DIPK1B: variants seen among roughly 807,000 people sequenced by gnomAD.
DIPK1B encodes divergent protein kinase domain 1B, also known as family with sequence similarity 69 member B.
A neutral mutation model predicts 20.7 loss-of-function variants in DIPK1B; 17 were observed. The ratio of observed to expected loss-of-function variants is 0.82; its 90% CI spans 0.56 to 1.23. DIPK1B has a LOEUF of 1.23. Ranked by LOEUF, DIPK1B falls within the 50% of genes most tolerant of loss-of-function variation. DIPK1B has a pLI of 0.00. For synonymous variants in DIPK1B, 343 were observed against 276.5 expected, an observed-to-expected ratio of 1.24 and a Z score of -2.39; for missense variants, 648 against 601.8, an observed-to-expected ratio of 1.08 and a Z score of -0.80.
rs1846446413 is a variant in DIPK1B at position 136,712,855 on chromosome 9, TGGGCAGCGGGGA to T, written c.63+131_63+142del. The T allele has an allele frequency of 8.3e-6, 4 of 484,030 alleles. No individual in the cohort carries two copies. The East Asian group carries it at 2.0e-4, about 24-fold the overall frequency. 30.0% of individuals were successfully genotyped at this position (484,030 alleles called of 1,614,324 possible). A position where few individuals can be genotyped will look rare whatever the true frequency, so the allele number is the denominator to read the frequency against. ...ACACGAAGGGTTCATGAGCCCGGGG[TGGGCAGCGGGGA>T]GGGGGCGAGTGGCTCCGGAAGGACG... On this transcript the variant is annotated intron_variant, in intron 1 of 4. Transcript: ENST00000371692. The surrounding 1 kb of genome is among the most constrained non-coding windows in gnomAD (Gnocchi z 5.6).
chr9:136,718,867 G>A (rs1033439097), intron 2 of DIPK1B, among the ~76,000 whole-genome samples: 97 of 152,338 alleles, frequency 6.4e-4, no homozygotes, highest in African/African-American at 2.3e-3. Flanking sequence ...AGATGTGGCA[G>A]TGGAGGACTG....
In DIPK1B at chr9:136,713,631, A is replaced by G. The variant is rs115582498; in HGVS notation, c.63+903A>G. 4.2e-3 allele frequency among the ~76,000 whole-genome samples: 636 copies of G among 152,206 alleles called. 6 individuals carry two copies. Among genetic ancestry groups the G allele is most frequent in the African/African-American group, 0.015 (612 of 41,530 alleles). ...AGGGTGAGAGCTAAGGGGTCTGAGG[A>G]CCACCCCAGTCGCTGGGAGGTGGGG... On this transcript the variant is annotated intron_variant, in intron 1 of 4. Coordinates refer to ENST00000371692, the MANE Select transcript of DIPK1B (RefSeq NM_152421.4).
intron 1 of DIPK1B, among the ~76,000 whole-genome samples, chr9:136,717,020 G>C (rs1295324691): frequency 1.3e-5 from 2 of 151,994 alleles, no homozygotes; most frequent in Non-Finnish European, 2.9e-5. Context: ...CCTGAGGTCC[G>C]GAGTTCAAGA....
intron 1 of DIPK1B, among the ~76,000 whole-genome samples, chr9:136,714,863 G>A (rs1286881251): frequency 6.6e-6 from 1 of 152,222 alleles, no homozygotes; most frequent in African/African-American, 2.4e-5. Flanking sequence ...ATCCGTGAGT[G>A]GATGCCGGGG....
At chr9:136,722,480 G>A in intron 4 of DIPK1B, 179 bp downstream of exon 4, 2 of 787,064 alleles carry the variant, frequency 2.5e-6, no homozygotes, top group Non-Finnish European at 2.0e-6. Flanking sequence ...AGCCTCTCCA[G>A]GGCTGGGGGC....
intron 1 of DIPK1B, among the ~76,000 whole-genome samples, chr9:136,716,864 C>T (rs1048882820): frequency 6.6e-6 from 1 of 152,106 alleles, no homozygotes; most frequent in Admixed American, 6.5e-5. Context: ...TCGCGGTGGG[C>T]GCGCTCACCT....
intron 1 of DIPK1B, among the ~76,000 whole-genome samples, chr9:136,716,509 C>G (rs150320203): frequency 1.0e-3 from 158 of 152,166 alleles, no homozygotes; most frequent in Middle Eastern, 3.4e-3. Context: ...CTCAAGCAAG[C>G]CACCCACCTC....
rs368865388 is a variant in DIPK1B at position 136,723,086 on chromosome 9, G to T, written c.608G>T (p.Arg203Leu). The T allele has an allele frequency of 6.2e-7, 1 of 1,613,508 alleles. No individual in the cohort carries two copies. The highest frequency in any genetic ancestry group is 1.1e-5 in the South Asian group (1 of 91,092). ...EAKSVWALLQRNEFLLLLSLQ... is the reference protein window; with the variant it reads ...EAKSVWALLQLNEFLLLLSLQ... ...AAGTCCGTGTGGGCCCTGCTGCAGC[G>T]TAACGAGTTCCTGCTGCTGCTGTCC... Residue 203 changes from arginine (R) to leucine (L), a missense_variant, in exon 5 of 5, where the codon CGT becomes CTT. Physicochemically the swap from Arg to Leu is moderately radical, Grantham distance 102. Coordinates refer to ENST00000371692, the MANE Select transcript of DIPK1B (RefSeq NM_152421.4).
rs1588287536 is a variant in DIPK1B, at chr9:136,723,877, T to C, written c.*103T>C. 1.6e-6 allele frequency: 2 copies of C among 1,218,558 alleles called. No homozygotes were observed. The highest frequency in any genetic ancestry group is 5.1e-5 in the East Asian group (2 of 39,024). 75.5% of individuals were successfully genotyped at this position (1,218,558 alleles called of 1,614,324 possible). On this transcript the variant is annotated 3_prime_UTR_variant, in exon 5 of 5. Coordinates refer to ENST00000371692, the MANE Select transcript of DIPK1B (RefSeq NM_152421.4). Reference sequence around the variant, plus strand: ...TCAGAAGATGTGAAATGCAACTGTGTTGCAAAATCACTCCCCTACCGTCAG... The same window carrying C: ...TCAGAAGATGTGAAATGCAACTGTGCTGCAAAATCACTCCCCTACCGTCAG...
intron 4 of DIPK1B, chr9:136,722,722 A>T (rs867449548): frequency 1.3e-5 from 8 of 596,350 alleles, no homozygotes; most frequent in Middle Eastern, 8.8e-4. Context: ...CCCCAGGTGC[A>T]CCCAAGGCTG....
chr9:136,712,760 C>T lies in DIPK1B; in HGVS notation c.63+32C>T, dbSNP rs1846444502. On this transcript the variant is annotated intron_variant, in intron 1 of 4. Transcript: ENST00000371692. The surrounding 1 kb of genome is among the most constrained non-coding windows in gnomAD (Gnocchi z 5.6). ...GCGGTGCGCGCCCGCCGCCCCCGGC[C>T]GCCTCTGCCTGGGGAGGCCGAGCTC... 10 of 1,311,226 alleles carry T rather than the reference C, an allele frequency of 7.6e-6. No homozygotes were observed. In the East Asian group the frequency reaches 2.8e-4, roughly 37 times the overall value. The allele number at this position is 1,311,226 out of a possible 1,614,324, so 81.2% of individuals were successfully genotyped here.
chr9:136,712,616 C>G lies in DIPK1B; in HGVS notation c.-50C>G. On this transcript the variant is annotated 5_prime_UTR_variant, in exon 1 of 5. Coordinates refer to ENST00000371692, the MANE Select transcript of DIPK1B (RefSeq NM_152421.4). This position sits in a 1 kb window ranked among gnomAD's most constrained non-coding sequence, Gnocchi z 5.6. ...CGCTGCGGGCCGGGCCGGGCCGGGG[C>G]TGAGGCCGAGCGAGCCGCGGGGCCC... 1 of 945,214 alleles carries G rather than the reference C, an allele frequency of 1.1e-6. No individual in the cohort carries two copies. The highest frequency in any genetic ancestry group is 1.3e-6 in the Non-Finnish European group (1 of 785,168). The allele number at this position is 945,214 out of a possible 1,614,324, so 58.6% of individuals were successfully genotyped here. A position where few individuals can be genotyped will look rare whatever the true frequency, so the allele number is the denominator to read the frequency against.
rs371766241 is a variant in DIPK1B at position 136,721,986 on chromosome 9, G to A, written c.264G>A (p.Met88Ile). The change falls in exon 3 of 5, where the codon ATG (methionine) becomes ATA (isoleucine). Residue 88 changes from methionine (M) to isoleucine (I), a missense_variant. Physicochemically the swap from Met to Ile is conservative, Grantham distance 10. Transcript: ENST00000371692. ...SVCQDLCELH[M>I]VEWRTCLSVA... Reference sequence around the variant, plus strand: ...GCCAGGACCTGTGTGAGCTGCATATGGTGGAGTGGAGGACCTGCCTCTCGG... The same window carrying A: ...GCCAGGACCTGTGTGAGCTGCATATAGTGGAGTGGAGGACCTGCCTCTCGG... The A allele has an allele frequency of 4.5e-5, 73 of 1,613,600 alleles. No individual in the cohort carries two copies. The highest frequency in any genetic ancestry group is 5.7e-5 in the Non-Finnish European group (67 of 1,179,974).
At chr9:136,714,134 C>T (rs1017894432) in intron 1 of DIPK1B, among the ~76,000 whole-genome samples, 4 of 152,182 alleles carry the variant, frequency 2.6e-5, no homozygotes, top group African/African-American at 9.6e-5. Flanking sequence ...GCTTGGGACC[C>T]CAGGATCCAC....
Position 136,722,106 on chromosome 9 carries a change from C to G in DIPK1B, c.307-19C>G. ...GGGAGGGGGATGTCTGCACGGAGGACCTCTGTGGCCCTGTCCAGGTGTACA... is the reference window on the plus strand; with the variant it reads ...GGGAGGGGGATGTCTGCACGGAGGAGCTCTGTGGCCCTGTCCAGGTGTACA... On this transcript the variant is annotated intron_variant, in intron 3 of 4. Transcript: ENST00000371692. 1 of 1,613,686 alleles carries G rather than the reference C, an allele frequency of 6.2e-7. No homozygotes were observed. The highest frequency in any genetic ancestry group is 1.1e-5 in the South Asian group (1 of 91,080).
In DIPK1B at chr9:136,722,954, A is replaced by T. The variant is rs764581963; in HGVS notation, c.484-8A>T. The T allele has an allele frequency of 3.1e-6, 5 of 1,597,556 alleles. No individual in the cohort carries two copies. Among genetic ancestry groups the T allele is most frequent in the Non-Finnish European group, 4.3e-6 (5 of 1,169,954 alleles). The stretch of plus-strand genomic sequence containing the variant: ...TGGCTTTTCCTTTCTTTTGGTCCCA[A>T]ACGCCAGGCGAACCTGGGAGACCTG... On this transcript the variant is annotated splice_polypyrimidine_tract_variant and splice_region_variant and intron_variant, in intron 4 of 4. Transcript: ENST00000371692.
chr9:136,719,908 C>T (rs1041766134), intron 2 of DIPK1B, among the ~76,000 whole-genome samples: 13 of 144,128 alleles, frequency 9.0e-5, no homozygotes, highest in African/African-American at 3.1e-4. Flanking sequence ...TCTGGGGCTC[C>T]GAGTGCAGGG....
In DIPK1B at chr9:136,712,581, G is replaced by C. The variant is rs1846439689; in HGVS notation, c.-85G>C. 3.6e-6 allele frequency: 2 copies of C among 560,834 alleles called. No individual in the cohort carries two copies. The highest frequency in any genetic ancestry group is 2.1e-5 in the African/African-American group (1 of 48,462). 34.7% of individuals were successfully genotyped at this position (560,834 alleles called of 1,614,324 possible). On this transcript the variant is annotated 5_prime_UTR_variant, in exon 1 of 5. Coordinates refer to ENST00000371692, the MANE Select transcript of DIPK1B (RefSeq NM_152421.4). This position sits in a 1 kb window ranked among gnomAD's most constrained non-coding sequence, Gnocchi z 5.6. ...GGGGCGCGCGGCCCGCATGGCGAGG[G>C]AGCGGCGGCCGCTGCGGGCCGGGCC...
chr9:136,723,542 G>T lies in DIPK1B; in HGVS notation c.1064G>T (p.Arg355Met). 1 of 1,598,966 alleles carries T rather than the reference G, an allele frequency of 6.3e-7. No homozygotes were observed. The highest frequency in any genetic ancestry group is 2.3e-5 in the East Asian group (1 of 44,154). Residue 355 changes from arginine (R) to methionine (M), a missense_variant, in exon 5 of 5, where the codon AGG becomes ATG. Transcript: ENST00000371692. ...AGGGCCCCGTGTGACAGGCTCATGA[G>T]GCAGTGCAAGGGCGACCTCATCCAG... ...DCRAPCDRLM[R>M]QCKGDLIQPN...
Sources: allele counts gnomAD v4.1 joint callset (sites outside exome capture counted in the v4.1 genomes callset), GRCh38; gene constraint gnomAD v4.1.1; non-coding constraint Gnocchi (gnomAD v3.1); transcripts MANE v1.5; gene names NCBI Gene and HGNC (gene_info 2026-07-23, HGNC 2026-07-21).